The following LRFN2 variants were observed in gnomAD, a reference collection of about 807,000 sequenced individuals.
LRFN2 encodes the protein leucine-rich repeat and fibronectin type-III domain-containing protein 2.
Under a neutral mutation model 37.3 loss-of-function variants are expected in LRFN2, and 18 were observed. The ratio of observed to expected loss-of-function variants is 0.48; its 90% confidence interval spans 0.33 to 0.72. LRFN2 has a LOEUF of 0.72. Among genes scored for constraint, LRFN2 ranks in the 30% least tolerant of loss-of-function variants. The pLI is 0.02. For synonymous variants in LRFN2, 556 were observed against 466.6 expected, an observed-to-expected ratio of 1.19 and a Z score of -2.47; for missense variants, 1,006 against 1,060.7, an observed-to-expected ratio of 0.95 and a Z score of 0.72.
chr6:40,566,606 C>T (rs1373713755), intron 1 of LRFN2, among the ~76,000 whole-genome samples: 1 of 151,524 alleles, frequency 6.6e-6, no homozygotes, highest in African/African-American at 2.4e-5. Flanking sequence ...AAGCTGGAAA[C>T]CATCATTCTC....
chr6:40,414,551 C>T (rs184365247), intron 2 of LRFN2, among the ~76,000 whole-genome samples: 44 of 152,272 alleles, frequency 2.9e-4, no homozygotes, highest in African/African-American at 7.5e-4. Context: ...GAGGAGAAAC[C>T]GCCTGCATTT....
intron 1 of LRFN2, among the ~76,000 whole-genome samples, chr6:40,465,321 T>A (rs555871479): frequency 6.6e-6 from 1 of 152,310 alleles, no homozygotes; most frequent in African/African-American, 2.4e-5. Flanking sequence ...GGATCATATA[T>A]TTGTTATTTT....
At chr6:40,537,918 GAGC>G (rs1766480896) in intron 1 of LRFN2, among the ~76,000 whole-genome samples, 1 of 151,974 alleles carries the variant, frequency 6.6e-6, no homozygotes, top group South Asian at 2.1e-4. Flanking sequence ...AGATTGAAGG[GAGC>G]AGGGAACATG....
In LRFN2 at chr6:40,392,651, C is replaced by T. The variant is rs749133812; in HGVS notation, c.1662G>A (p.Met554Ile). The T allele has an allele frequency of 1.9e-6, 3 of 1,612,994 alleles. No homozygotes were observed. Among genetic ancestry groups the T allele is most frequent in the East Asian group, 2.2e-5 (1 of 44,884 alleles). ...CGTGGTTGCAGACCTTGTAGCGCACCATGAGGATGACGATGAAGACCAGCA... is the reference window on the plus strand; with the variant it reads ...CGTGGTTGCAGACCTTGTAGCGCACTATGAGGATGACGATGAAGACCAGCA... ...ATLLVFIVIL[M>I]VRYKVCNHEA... Residue 554 changes from methionine (M) to isoleucine (I), a missense_variant, in exon 3 of 3, where the codon ATG (methionine) becomes ATA (isoleucine). By Grantham distance (10) the Met-to-Ile change is conservative. This residue lies in a region of LRFN2 where 120 missense variants were observed against 178.4 expected (regional missense o/e 0.67). Coordinates refer to ENST00000338305, the MANE Select transcript of LRFN2 (RefSeq NM_020737.3). The surrounding 1 kb of genome is among the most constrained non-coding windows in gnomAD (Gnocchi z 4.7).
chr6:40,499,067 G>A (rs1452772739), intron 1 of LRFN2, among the ~76,000 whole-genome samples: 1 of 152,128 alleles, frequency 6.6e-6, no homozygotes, highest in African/African-American at 2.4e-5. Context: ...TGATGCCCCA[G>A]GTAGCAACTC....
intron 1 of LRFN2, among the ~76,000 whole-genome samples, chr6:40,525,870 G>A (rs967763077): frequency 1.3e-5 from 2 of 152,104 alleles, no homozygotes; most frequent in Admixed American, 6.6e-5. Flanking sequence ...GTAAGACACA[G>A]TCTTCCCCCA....
intron 1 of LRFN2, among the ~76,000 whole-genome samples, chr6:40,443,817 A>T (rs940878684): frequency 6.6e-6 from 1 of 152,144 alleles, no homozygotes; most frequent in Non-Finnish European, 1.5e-5. Flanking sequence ...GTGGCAACAG[A>T]GGGGAGCTAC....
chr6:40,499,632 GGA>G, intron 1 of LRFN2, among the ~76,000 whole-genome samples: 1 of 152,292 alleles, frequency 6.6e-6, no homozygotes, highest in East Asian at 1.9e-4. Context: ...TTCCCCAGCT[GGA>G]GAGAGTGGCA....
In LRFN2 at chr6:40,528,655, C is replaced by T. The variant is rs1173407447; in HGVS notation, c.-19+58286G>A. On this transcript the variant is annotated intron_variant, in intron 1 of 2. Coordinates refer to ENST00000338305, the MANE Select transcript of LRFN2 (RefSeq NM_020737.3). ...GAATGTTTACAATACTTTCAACTTA[C>T]GATGGGTTTAGGTTTTTCTGGACAT... Among the ~76,000 whole-genome samples, 4 of 152,188 alleles carry T rather than the reference C, an allele frequency of 2.6e-5. No homozygotes were observed. The East Asian group carries it at 5.8e-4, about 22-fold the overall frequency.
chr6:40,413,130 A>G (rs914668533), intron 2 of LRFN2, among the ~76,000 whole-genome samples: 1 of 152,158 alleles, frequency 6.6e-6, no homozygotes, highest in Non-Finnish European at 1.5e-5. Context: ...TGGAAGACAG[A>G]TTGGCCACAT....
At position 40,432,094 on chromosome 6, in the gene LRFN2, G is replaced by T. The variant is rs1282974156; in HGVS notation, c.1020C>A (p.Asp340Glu). ...TGATGAAGATGTCCAGGGTGCCATT[G>T]TCATAGACAGCGGTCCTTGAGGAGT... is the stretch of plus-strand genomic sequence containing the variant. ...VGNSSRTAVY[D>E]NGTLDIFITT... Residue 340 changes from aspartate to glutamate, a missense_variant, in exon 2 of 3, where the codon GAC (aspartate) becomes GAA (glutamate). This residue lies in a region of LRFN2 where 303 missense variants were observed against 299.8 expected (regional missense o/e 1.01). Transcript: ENST00000338305. 3 of 1,613,898 alleles carry T rather than the reference G, an allele frequency of 1.9e-6. No individual in the cohort carries two copies. The highest frequency in any genetic ancestry group is 2.5e-6 in the Non-Finnish European group (3 of 1,180,014).
chr6:40,577,108 C>CTCTTCTCCTCT (rs150002933), intron 1 of LRFN2, among the ~76,000 whole-genome samples: 3 of 104,584 alleles, frequency 2.9e-5, no homozygotes, highest in Admixed American at 9.1e-5. Flanking sequence ...CTTTTCCTTT[C>CTCTTCTCCTCT]TTTTCTTTTT....
chr6:40,477,234 G>C (rs1439579370), intron 1 of LRFN2, among the ~76,000 whole-genome samples: 2 of 152,166 alleles, frequency 1.3e-5, no homozygotes, highest in Non-Finnish European at 2.9e-5. Flanking sequence ...CATGTTGGTG[G>C]TGGTTTTCTA....
At chr6:40,537,655 T>C (rs143560192) in intron 1 of LRFN2, among the ~76,000 whole-genome samples, 476 of 152,208 alleles carry the variant, frequency 3.1e-3, no homozygotes, top group African/African-American at 0.01. Context: ...TTCCTGTCTG[T>C]GGGGGTGGCT....
intron 1 of LRFN2, among the ~76,000 whole-genome samples, chr6:40,584,780 G>T (rs1174658437): frequency 6.6e-6 from 1 of 151,664 alleles, no homozygotes; most frequent in Non-Finnish European, 1.5e-5. Context: ...GGCTGAAGAG[G>T]CTTGGCAAAC....
intron 1 of LRFN2, among the ~76,000 whole-genome samples, chr6:40,539,432 A>T (rs367571990): frequency 5.9e-5 from 9 of 152,240 alleles, no homozygotes; most frequent in African/African-American, 2.2e-4. Flanking sequence ...GTTCTAAGTG[A>T]TGGGGAAAAC....
intron 1 of LRFN2, among the ~76,000 whole-genome samples, chr6:40,570,355 C>T (rs964048732): frequency 6.6e-6 from 1 of 152,190 alleles, no homozygotes; most frequent in Non-Finnish European, 1.5e-5. Flanking sequence ...ACTCATTTAG[C>T]CCAAACCACA....
At position 40,544,721 on chromosome 6, in the gene LRFN2, A is replaced by G. The variant is rs193118299; in HGVS notation, c.-19+42220T>C. Among the ~76,000 whole-genome samples, 7 of 152,334 alleles carry G rather than the reference A, an allele frequency of 4.6e-5. No homozygotes were observed. The East Asian group carries it at 1.3e-3, about 29-fold the overall frequency. Reference sequence around the variant, plus strand: ...GCCTGCCAGTATAAAGGGATGGCCCATCTCCCGAATTCCAGCAGCGCTGAG... The same window carrying G: ...GCCTGCCAGTATAAAGGGATGGCCCGTCTCCCGAATTCCAGCAGCGCTGAG... On this transcript the variant is annotated intron_variant, in intron 1 of 2. Transcript: ENST00000338305.
chr6:40,554,311 C>T (rs1464959993), intron 1 of LRFN2, among the ~76,000 whole-genome samples: 1 of 152,120 alleles, frequency 6.6e-6, no homozygotes, highest in Non-Finnish European at 1.5e-5. Context: ...AACCTCATGC[C>T]CTCCTTAGGG....
Sources: gnomAD v4.1 joint callset for allele counts (sites outside exome capture counted in the v4.1 genomes callset) on GRCh38, gnomAD v4.1.1 for gene constraint, gnomAD v4.1.1 regional missense constraint, Gnocchi (gnomAD v3.1) non-coding constraint, MANE v1.5 for transcripts, NCBI Gene and HGNC (gene_info 2026-07-23, HGNC 2026-07-21) for gene names.